Variants in NOS1AP observed in about 807,000 individuals in gnomAD.
NOS1AP encodes the protein carboxyl-terminal PDZ ligand of neuronal nitric oxide synthase protein.
A neutral mutation model predicts 56.2 loss-of-function variants in NOS1AP; 21 were observed. The ratio of observed to expected loss-of-function variants is 0.37; its 90% CI spans 0.26 to 0.54. The LOEUF is 0.54. Among genes scored for constraint, NOS1AP ranks in the 20% least tolerant of loss-of-function variants. NOS1AP has a pLI of 0.84. For synonymous variants in NOS1AP, 270 were observed against 274.6 expected (o/e 0.98, Z 0.17); for missense variants, 522 against 657.8 (o/e 0.79, Z 2.26).
intron 2 of NOS1AP, among the ~76,000 whole-genome samples, chr1:162,210,618 T>G (rs1199024139): frequency 1.3e-5 from 2 of 152,190 alleles, no homozygotes; most frequent in Admixed American, 6.5e-5. Flanking sequence ...ACTCTGTAAT[T>G]GACTGGGCAT....
At chr1:162,096,212 CTCTGCAGTG>C (rs1277861499) in intron 1 of NOS1AP, among the ~76,000 whole-genome samples, 1 of 152,158 alleles carries the variant, frequency 6.6e-6, no homozygotes, top group Non-Finnish European at 1.5e-5. Flanking sequence ...TGGTTCTTTC[CTCTGCAGTG>C]TCTTCTACAG....
chr1:162,251,632 GTC>G (rs1409380321), intron 2 of NOS1AP, among the ~76,000 whole-genome samples: 136 of 133,124 alleles, frequency 1.0e-3, no homozygotes, highest in African/African-American at 3.5e-3. Context: ...GTGTGTGTGT[GTC>G]TGTGTGTGTG....
chr1:162,137,922 T>A (rs183611748), intron 1 of NOS1AP, among the ~76,000 whole-genome samples: 1 of 152,090 alleles, frequency 6.6e-6, no homozygotes. Context: ...GGAGTGTGTA[T>A]GTAAGCATAT....
At chr1:162,160,554 G>T (rs987011805) in intron 2 of NOS1AP, among the ~76,000 whole-genome samples, 28 of 152,104 alleles carry the variant, frequency 1.8e-4, no homozygotes, top group African/African-American at 6.5e-4. Flanking sequence ...CCAGCAGTAC[G>T]CTTCGGCACG....
chr1:162,360,253 G>A (rs1356532434), intron 8 of NOS1AP, among the ~76,000 whole-genome samples: 1 of 152,138 alleles, frequency 6.6e-6, no homozygotes. Context: ...CAGTGGGTAA[G>A]TAGTGAATAC....
chr1:162,096,927 C>T (rs1301913020), intron 1 of NOS1AP, among the ~76,000 whole-genome samples: 4 of 152,158 alleles, frequency 2.6e-5, no homozygotes, highest in Non-Finnish European at 4.4e-5. Context: ...AGCACAGTTA[C>T]TAGTTTGTTA....
chr1:162,317,547 GA>G (rs1345408979), intron 4 of NOS1AP, among the ~76,000 whole-genome samples: 1 of 152,124 alleles, frequency 6.6e-6, no homozygotes, highest in East Asian at 1.9e-4. Flanking sequence ...AGGGGAATTT[GA>G]AAAGCTAAAT....
chr1:162,174,140 CA>C (rs1297232409), intron 2 of NOS1AP, among the ~76,000 whole-genome samples: 1 of 152,012 alleles, frequency 6.6e-6, no homozygotes, highest in Non-Finnish European at 1.5e-5. Flanking sequence ...TTCACAATAG[CA>C]AAAACTTGGA....
chr1:162,346,825 A>G (rs1317423838), intron 6 of NOS1AP, among the ~76,000 whole-genome samples: 1 of 152,200 alleles, frequency 6.6e-6, no homozygotes, highest in Non-Finnish European at 1.5e-5. Flanking sequence ...GTGACATTCT[A>G]TTACTAATGA....
intron 3 of NOS1AP, 120 bp downstream of exon 3, chr1:162,287,556 C>A (rs1240757709): frequency 1.3e-6 from 1 of 765,926 alleles, no homozygotes; most frequent in Admixed American, 1.9e-5. Context: ...GCAAGCTCTT[C>A]TGCTTTGAGC....
At chr1:162,207,166 C>T (rs964867911) in intron 2 of NOS1AP, among the ~76,000 whole-genome samples, 1 of 152,236 alleles carries the variant, frequency 6.6e-6, no homozygotes, top group Non-Finnish European at 1.5e-5. Flanking sequence ...GGATCCTGAG[C>T]CTTCTCCCTG....
At chr1:162,183,069 A>G (rs558511217) in intron 2 of NOS1AP, among the ~76,000 whole-genome samples, 5 of 152,330 alleles carry the variant, frequency 3.3e-5, no homozygotes, top group South Asian at 2.1e-4. Flanking sequence ...CTTACACAAT[A>G]TATTTCTTAA....
chr1:162,139,721 AG>A (rs1649153515), intron 1 of NOS1AP, among the ~76,000 whole-genome samples: 2 of 152,232 alleles, frequency 1.3e-5, no homozygotes. Context: ...CCTTAAAAAT[AG>A]CTTTTGTCAG....
In NOS1AP at chr1:162,367,429, G is replaced by C. The variant is rs1658135513; in HGVS notation, c.1483G>C (p.Glu495Gln). 1.3e-6 allele frequency: 2 copies of C among 1,582,910 alleles called. No individual in the cohort carries two copies. The highest frequency in any genetic ancestry group is 1.1e-5 in the South Asian group (1 of 88,386). Residue 495 changes from glutamate (E) to glutamine (Q), a missense_variant, in exon 10 of 10, where the codon GAA (glutamate) becomes CAA (glutamine). By Grantham distance (29) the Glu-to-Gln change is conservative. Coordinates refer to ENST00000361897, the MANE Select transcript of NOS1AP (RefSeq NM_014697.3). The surrounding 1 kb of genome is among the most constrained non-coding windows in gnomAD (Gnocchi z 6.5). ...CCTGCTGAATGTCCTGCAGAGGCAGGAACTGGGCGACGGCCTGGATGATGA... is the reference window on the plus strand; with the variant it reads ...CCTGCTGAATGTCCTGCAGAGGCAGCAACTGGGCGACGGCCTGGATGATGA... ...PRLLNVLQRQ[E>Q]LGDGLDDEIA...
At chr1:162,321,470 C>G (rs527990903) in intron 4 of NOS1AP, among the ~76,000 whole-genome samples, 1 of 152,124 alleles carries the variant, frequency 6.6e-6, no homozygotes, top group South Asian at 2.1e-4. Context: ...ATCGCAAGGA[C>G]AGAAAACCAA....
chr1:162,211,064 G>T (rs1652333304), intron 2 of NOS1AP, among the ~76,000 whole-genome samples: 2 of 152,218 alleles, frequency 1.3e-5, no homozygotes, highest in Admixed American at 1.3e-4. Context: ...TACCCAGGCA[G>T]ATCTTCACAT....
intron 1 of NOS1AP, among the ~76,000 whole-genome samples, chr1:162,114,118 A>G (rs2102043517): frequency 1.3e-5 from 2 of 152,336 alleles, no homozygotes; most frequent in African/African-American, 4.8e-5. Context: ...CTTAATTTGA[A>G]TGGAAAGAAC....
intron 2 of NOS1AP, among the ~76,000 whole-genome samples, chr1:162,175,892 G>A (rs1651037088): frequency 6.6e-6 from 1 of 152,110 alleles, no homozygotes; most frequent in African/African-American, 2.4e-5. Flanking sequence ...CCACCCATTT[G>A]CTTAATTGTT....
In NOS1AP at chr1:162,361,598, C is replaced by T. The variant is rs755731184; in HGVS notation, c.940-3806C>T. Among the ~76,000 whole-genome samples the T allele has an allele frequency of 1.0e-3, 159 of 152,196 alleles. 4 individuals are homozygous for T. Among genetic ancestry groups the T allele is most frequent in the Non-Finnish European group, 2.9e-4 (20 of 68,048 alleles). The stretch of plus-strand genomic sequence containing the variant: ...GAAGCAGAGGGCTCATTAGTGCTGG[C>T]TCAGGCAGTAGCAGCAGTGGGTGCT... On this transcript the variant is annotated intron_variant, in intron 8 of 9. Coordinates refer to ENST00000361897, the MANE Select transcript of NOS1AP (RefSeq NM_014697.3).
Sources: gnomAD v4.1 joint callset for allele counts (sites outside exome capture counted in the v4.1 genomes callset) on GRCh38, gnomAD v4.1.1 for gene constraint, Gnocchi (gnomAD v3.1) non-coding constraint, MANE v1.5 for transcripts, NCBI Gene and HGNC (gene_info 2026-07-23, HGNC 2026-07-21) for gene names.